EVA1A: variants seen among roughly 807,000 people sequenced by gnomAD.
EVA1A encodes eva-1 homolog A, regulator of programmed cell death.
EVA1A carries 7 observed loss-of-function variants against 9.8 expected under a neutral mutation model. That is an observed-to-expected ratio of 0.71 (90% confidence interval 0.41 to 1.34). The LOEUF is 1.34. Among genes scored for constraint, EVA1A ranks in the 40% most tolerant of loss-of-function variants. The probability of loss-of-function intolerance (pLI) is 0.01; values close to 1 mark genes in which losing one functional copy is unlikely to be tolerated. For missense variants in EVA1A, 206 were observed against 205.9 expected, an observed-to-expected ratio of 1.00 and a Z score of 0.00; for synonymous variants, 90 against 85.6, an observed-to-expected ratio of 1.05 and a Z score of -0.28.
At chr2:75,525,209 A>T (rs760072338) in intron 1 of EVA1A, among the ~76,000 whole-genome samples, 4 of 151,924 alleles carry the variant, frequency 2.6e-5, no homozygotes, top group African/African-American at 4.8e-5. Flanking sequence ...TCACTATCTC[A>T]ATCTCTCTAT....
chr2:75,550,939 T>C (rs902388606), intron 1 of EVA1A, among the ~76,000 whole-genome samples: 2 of 152,148 alleles, frequency 1.3e-5, no homozygotes, highest in African/African-American at 2.4e-5. Context: ...CTGGCCAGCA[T>C]GGTGAAATGC....
At chr2:75,541,950 C>T (rs1046719511) in intron 1 of EVA1A, 1 of 152,154 alleles carries the variant, frequency 6.6e-6, no homozygotes, top group African/African-American at 2.4e-5. Context: ...TCTGTGTCCC[C>T]AACCAAAGCT....
intron 1 of EVA1A, among the ~76,000 whole-genome samples, chr2:75,535,295 CAAAA>C (rs3081156): frequency 6.5e-5 from 6 of 92,540 alleles, no homozygotes; most frequent in East Asian, 6.8e-4. Context: ...ATAGATATGG[CAAAA>C]AAAAAAAAAA....
chr2:75,559,717 T>TGGGGGG (rs1457049048), intron 1 of EVA1A, among the ~76,000 whole-genome samples: 1 of 52,778 alleles, frequency 1.9e-5, no homozygotes, highest in Admixed American at 1.9e-4. Flanking sequence ...GCGGGGGAGT[T>TGGGGGG]GGGGGGACGG....
intron 3 of EVA1A, among the ~76,000 whole-genome samples, chr2:75,517,190 T>C (rs1373531542): frequency 1.3e-5 from 2 of 152,058 alleles, no homozygotes; most frequent in Non-Finnish European, 2.9e-5. Context: ...TAAATCATAA[T>C]GTCAGGTTTG....
At chr2:75,545,925 T>C (rs1206933855) in intron 1 of EVA1A, among the ~76,000 whole-genome samples, 1 of 151,906 alleles carries the variant, frequency 6.6e-6, no homozygotes. Context: ...ATCAAGCAGA[T>C]AATAGCTGAG....
chr2:75,563,031 T>C (rs1051005339), upstream of EVA1A, among the ~76,000 whole-genome samples: 2 of 152,220 alleles, frequency 1.3e-5, no homozygotes, highest in African/African-American at 4.8e-5. Context: ...TCTGACCCAA[T>C]CTACCTTTGG....
chr2:75,549,010 T>TATATA lies in EVA1A; in HGVS notation c.-192+11669_-192+11670insTATAT, dbSNP rs1558691261. ...TATATATATATATATATATATATAT[T>TATATA]TTTTTTTTTTTTACTAATAAATCAA... On this transcript the variant is annotated intron_variant, in intron 1 of 3. Transcript: ENST00000393913. Among the ~76,000 whole-genome samples, 63 of 56,904 alleles carry TATATA rather than the reference T, an allele frequency of 1.1e-3. 1 individual carries two copies. The highest frequency in any genetic ancestry group is 1.7e-3 in the Admixed American group (8 of 4,574). The allele number at this position is 56,904 out of a possible 152,430, so 37.3% of individuals were successfully genotyped here.
At chr2:75,568,575 C>G (rs939924771) in intron 1 of EVA1A, among the ~76,000 whole-genome samples, 1 of 152,024 alleles carries the variant, frequency 6.6e-6, no homozygotes, top group Non-Finnish European at 1.5e-5. Context: ...GCAGTATACG[C>G]TGTACCCAGT....
chr2:75,561,609 T>C (rs1048189222), upstream of EVA1A, among the ~76,000 whole-genome samples: 8 of 152,016 alleles, frequency 5.3e-5, no homozygotes, highest in Non-Finnish European at 8.8e-5. Flanking sequence ...ACAATCGTCA[T>C]AGGGGAAGAG....
intron 1 of EVA1A, among the ~76,000 whole-genome samples, chr2:75,556,301 C>T (rs976325107): frequency 6.6e-6 from 1 of 152,292 alleles, no homozygotes; most frequent in Admixed American, 6.5e-5. Flanking sequence ...CTCCCTAGAA[C>T]TAGAGACACA....
intron 3 of EVA1A, among the ~76,000 whole-genome samples, 155 bp from the exon 4 acceptor site, chr2:75,493,764 A>G (rs914029723): frequency 4.6e-5 from 7 of 152,236 alleles, no homozygotes; most frequent in African/African-American, 1.7e-4. Context: ...AATGTATTCA[A>G]AATATAATTA....
intron 3 of EVA1A, among the ~76,000 whole-genome samples, chr2:75,506,911 G>A (rs1333119595): frequency 3.3e-5 from 5 of 152,128 alleles, no homozygotes; most frequent in African/African-American, 1.2e-4. Flanking sequence ...AAGAACAAAG[G>A]CAAAGGCAAG....
intron 2 of EVA1A, among the ~76,000 whole-genome samples, chr2:75,521,399 C>T (rs545961600): frequency 6.6e-6 from 1 of 152,324 alleles, no homozygotes; most frequent in African/African-American, 2.4e-5. Context: ...TTCAGAGCTG[C>T]ATTATTCACA....
chr2:75,530,153 G>C (rs949428914), intron 1 of EVA1A, among the ~76,000 whole-genome samples: 1 of 152,002 alleles, frequency 6.6e-6, no homozygotes, highest in Non-Finnish European at 1.5e-5. Flanking sequence ...ATCTAGAGGG[G>C]ATGAATAAAT....
chr2:75,512,987 A>G (rs1045129897), intron 3 of EVA1A, among the ~76,000 whole-genome samples: 3 of 152,194 alleles, frequency 2.0e-5, no homozygotes, highest in Non-Finnish European at 4.4e-5. Flanking sequence ...CATGTGACAC[A>G]GTCCTGGCCA....
chr2:75,549,124 C>T (rs1046912040), intron 1 of EVA1A, among the ~76,000 whole-genome samples: 2 of 151,754 alleles, frequency 1.3e-5, no homozygotes, highest in East Asian at 3.9e-4. Context: ...CACCCTGCCA[C>T]AATCCAGAAG....
chr2:75,568,343 T>G (rs1199725310), intron 1 of EVA1A, among the ~76,000 whole-genome samples: 3 of 145,140 alleles, frequency 2.1e-5, no homozygotes, highest in Admixed American at 6.8e-5. Flanking sequence ...TAAGTAAAAT[T>G]TAATAATTAA....
At chr2:75,515,652 G>C (rs1433162235) in intron 3 of EVA1A, among the ~76,000 whole-genome samples, 2 of 152,168 alleles carry the variant, frequency 1.3e-5, no homozygotes, top group South Asian at 4.1e-4. Flanking sequence ...CAGAGGAGCA[G>C]TTTGGTCATT....
Sources: allele counts gnomAD v4.1 joint callset (sites outside exome capture counted in the v4.1 genomes callset), GRCh38; gene constraint gnomAD v4.1.1; transcripts MANE v1.5; gene names NCBI Gene and HGNC (gene_info 2026-07-23, HGNC 2026-07-21).